The following TLR6 variants were observed in gnomAD, a reference collection of about 807,000 sequenced individuals.
TLR6 encodes toll-like receptor 6.
In TLR6, 9 loss-of-function variants were observed where a neutral mutation model predicts 16.1. The ratio of observed to expected loss-of-function variants is 0.56; its 90% CI spans 0.34 to 0.98. TLR6 has a LOEUF of 0.98. Ranked by LOEUF, TLR6 falls within the 50% of genes least tolerant of loss-of-function variation. The pLI is 0.02. For missense variants in TLR6, 786 were observed against 921.0 expected (o/e 0.85, Z 1.90); for synonymous variants, 340 against 338.6 (o/e 1.00, Z -0.04).
intron 1 of TLR6, among the ~76,000 whole-genome samples, chr4:38,832,621 CCTCACCATACACATCCTGTT>C (rs1270339195): frequency 6.6e-6 from 1 of 152,174 alleles, no homozygotes; most frequent in Non-Finnish European, 1.5e-5. Flanking sequence ...AGAGCCCAGC[CCTCACCATACACATCCTGTT>C]CTGGGGCCCA....
chr4:38,828,692 G>C (rs777119638), exon 2 of TLR6: 1 of 1,614,120 alleles, frequency 6.2e-7, no homozygotes, highest in South Asian at 1.1e-5. Context: ...TTTCCAAGTC[G>C]TTTCTATGTG....
exon 2 of TLR6, chr4:38,829,301 T>C: frequency 6.2e-7 from 1 of 1,614,200 alleles, no homozygotes; most frequent in Non-Finnish European, 8.5e-7. Flanking sequence ...CTGAGACATA[T>C]CTAAGACTTT....
upstream of TLR6, among the ~76,000 whole-genome samples, chr4:38,857,832 G>A (rs549224213): frequency 6.6e-5 from 10 of 152,312 alleles, no homozygotes. Context: ...TCAGTAAGGA[G>A]TGGATGGATC....
chr4:38,855,534 AAT>A (rs1237680567), intron 1 of TLR6, among the ~76,000 whole-genome samples: 1 of 152,204 alleles, frequency 6.6e-6, no homozygotes, highest in African/African-American at 2.4e-5. Flanking sequence ...GGAATATTAA[AAT>A]ATAAAGATGG....
chr4:38,859,728 C>T (rs75295939), upstream of TLR6, among the ~76,000 whole-genome samples: 4,661 of 151,822 alleles, frequency 0.031, 202 homozygotes, highest in African/African-American at 0.085. Context: ...CCATGCATGG[C>T]TAATTTTTAT....
chr4:38,835,369 CA>C (rs34260767), intron 1 of TLR6, among the ~76,000 whole-genome samples: 3 of 151,538 alleles, frequency 2.0e-5, no homozygotes, highest in African/African-American at 4.9e-5. Flanking sequence ...TTAAAAAAGA[CA>C]AAAAAAGCCA....
chr4:38,824,602 T>C (rs1366277241), exon 2 of TLR6: 1 of 152,180 alleles, frequency 6.6e-6, no homozygotes, highest in African/African-American at 2.4e-5. Flanking sequence ...TTTTTATTGT[T>C]TTTAGATTAG....
chr4:38,843,957 T>G (rs542566781), intron 1 of TLR6, among the ~76,000 whole-genome samples: 1 of 152,362 alleles, frequency 6.6e-6, no homozygotes, highest in East Asian at 1.9e-4. Flanking sequence ...TCTCTCTGTC[T>G]CTGATTCAAA....
At chr4:38,859,862 G>A (rs531375247), upstream of TLR6, among the ~76,000 whole-genome samples, 5 of 151,728 alleles carry the variant, frequency 3.3e-5, no homozygotes, top group East Asian at 1.9e-4. Flanking sequence ...CACCCCGCCC[G>A]GCCTCTTCAC....
In TLR6 at chr4:38,828,342, TA is replaced by T; in HGVS notation, c.1131del (p.Lys378AsnfsTer12). The T allele has an allele frequency of 6.2e-7, 1 of 1,613,390 alleles. No individual in the cohort carries two copies. Among genetic ancestry groups the T allele is most frequent in the Non-Finnish European group, 8.5e-7 (1 of 1,179,318 alleles). ...TTTTGTAAGATAAGTGTCTCCAATT[TA>T]ACTAACGTGGAACATTTTTCAAAAA... On this transcript the variant is annotated frameshift_variant, in exon 2 of 2. Transcript: ENST00000436693. LOFTEE classifies it low-confidence loss of function (END_TRUNC).
chr4:38,843,309 G>A (rs573502286), intron 1 of TLR6, among the ~76,000 whole-genome samples: 4 of 152,282 alleles, frequency 2.6e-5, no homozygotes, highest in African/African-American at 9.6e-5. Flanking sequence ...GCTCCTGGGG[G>A]ACAAAAGCAG....
rs535823523 is a variant in TLR6, at chr4:38,854,251, G to A, written c.-65+2510C>T. 3.3e-5 allele frequency among the ~76,000 whole-genome samples: 5 copies of A among 152,244 alleles called. 1 individual carries two copies. The South Asian group carries it at 1.0e-3, about 32-fold the overall frequency. ...ACTCATGATCTTGGATTAGATCTCA[G>A]TTAAGACAGACTTGCTATAAAACAT... On this transcript the variant is annotated intron_variant, in intron 1 of 1. Transcript: ENST00000436693.
At position 38,842,620 on chromosome 4, in the gene TLR6, G is replaced by A. The variant is rs544425497; in HGVS notation, c.-64-13083C>T. On this transcript the variant is annotated intron_variant, in intron 1 of 1. Coordinates refer to ENST00000436693, the Ensembl canonical transcript of TLR6. Reference sequence around the variant, plus strand: ...CTGATCCGCACAGAAAAGCATCTGTGAGCCCCCATGGGGGGCAAAGCCAGA... The same window carrying A: ...CTGATCCGCACAGAAAAGCATCTGTAAGCCCCCATGGGGGGCAAAGCCAGA... Among the ~76,000 whole-genome samples the A allele has an allele frequency of 2.6e-5, 4 of 151,812 alleles. No individual in the cohort carries two copies. In the East Asian group the frequency reaches 5.8e-4, roughly 22 times the overall value.
intron 1 of TLR6, among the ~76,000 whole-genome samples, chr4:38,855,610 G>A (rs117856802): frequency 0.014 from 2,207 of 152,232 alleles, 44 homozygotes; most frequent in East Asian, 0.066. Flanking sequence ...ACAGGTCCCC[G>A]GCAACCAGAC....
chr4:38,858,833 A>AGAG (rs1713116154), upstream of TLR6, among the ~76,000 whole-genome samples: 5 of 17,682 alleles, frequency 2.8e-4, no homozygotes, highest in African/African-American at 2.4e-4. Flanking sequence ...GAGAGAGAGG[A>AGAG]AGAAAGAAAG....
At chr4:38,861,729 G>A (rs73811240), upstream of TLR6, among the ~76,000 whole-genome samples, 8,583 of 152,054 alleles carry the variant, frequency 0.056, 574 homozygotes, top group African/African-American at 0.14. Context: ...TCACTCTCCT[G>A]TTCTCCTCTT....
downstream of TLR6, among the ~76,000 whole-genome samples, chr4:38,823,550 T>G (rs866691498): frequency 6.6e-6 from 1 of 152,228 alleles, no homozygotes; most frequent in African/African-American, 2.4e-5. Flanking sequence ...TATCACAGTG[T>G]TAAGAACTGA....
intron 1 of TLR6, among the ~76,000 whole-genome samples, chr4:38,844,579 A>G (rs974523191): frequency 6.6e-6 from 1 of 152,226 alleles, no homozygotes; most frequent in African/African-American, 2.4e-5. Context: ...TAATAGAGAC[A>G]TAAGCTGTAC....
chr4:38,825,653 G>C (rs1487656223), exon 2 of TLR6: 1 of 152,480 alleles, frequency 6.6e-6, no homozygotes, highest in Non-Finnish European at 1.5e-5. Context: ...ACCTCTTGCA[G>C]CAACCTCCAC....
Sources: gnomAD v4.1 joint callset for allele counts (sites outside exome capture counted in the v4.1 genomes callset) on GRCh38, gnomAD v4.1.1 for gene constraint, MANE v1.5 for transcripts, NCBI Gene and HGNC (gene_info 2026-07-23, HGNC 2026-07-21) for gene names.